PPM1H: variants seen among roughly 807,000 people sequenced by gnomAD.
PPM1H encodes protein phosphatase, Mg2+/Mn2+ dependent 1H, also known as protein phosphatase 1H.
PPM1H carries 27 observed loss-of-function variants against 54.9 expected under a neutral mutation model. The ratio of observed to expected loss-of-function variants is 0.49; its 90% CI spans 0.36 to 0.68. PPM1H has a LOEUF of 0.68. Ranked by LOEUF, PPM1H falls within the 30% of genes least tolerant of loss-of-function variation. The pLI, the probability that PPM1H is intolerant of heterozygous loss-of-function variation, is 0.00. For missense variants in PPM1H, 596 were observed against 667.8 expected (o/e 0.89, Z 1.19); for synonymous variants, 305 against 270.8 (o/e 1.13, Z -1.24).
intron 4 of PPM1H, among the ~76,000 whole-genome samples, chr12:62,742,564 A>C (rs963488134): frequency 1.3e-5 from 2 of 152,266 alleles, no homozygotes; most frequent in Non-Finnish European, 2.9e-5. Flanking sequence ...TTAAAGCTAC[A>C]GTCTGTCATC....
At position 62,934,586 on chromosome 12, in the gene PPM1H, G is replaced by A; in HGVS notation, c.151C>T (p.Gln51Ter). The part of the protein sequence containing the change: ...YGRPEFLGLS[Q>*]DEVECSADHI... ...TCGGCGCTGCACTCCACCTCGTCCT[G>A]AGACAGCCCCAGGAACTCTGGCCGC... The change falls in exon 1 of 10, where the codon CAG becomes TAG. Residue 51 changes from glutamine to a stop codon, truncating the protein, a stop_gained. Coordinates refer to ENST00000228705, the MANE Select transcript of PPM1H (RefSeq NM_020700.2). LOFTEE classifies it high-confidence loss of function. This position sits in a 1 kb window ranked among gnomAD's most constrained non-coding sequence, Gnocchi z 4.2. The A allele has an allele frequency of 6.4e-7, 1 of 1,566,448 alleles. No homozygotes were observed. The highest frequency in any genetic ancestry group is 8.6e-7 in the Non-Finnish European group (1 of 1,156,738).
intron 1 of PPM1H, among the ~76,000 whole-genome samples, chr12:62,873,963 G>GA (rs1301556949): frequency 3.9e-5 from 6 of 152,196 alleles, no homozygotes; most frequent in Admixed American, 1.3e-4. Context: ...TGAGGAAGGA[G>GA]AGGAGGGTCC....
At chr12:62,658,212 TAAGTAAAAAAGAAG>T (rs2075858361) in intron 9 of PPM1H, among the ~76,000 whole-genome samples, 5 of 130,536 alleles carry the variant, frequency 3.8e-5, no homozygotes, top group Admixed American at 1.5e-4. Flanking sequence ...TTTTTTTTTT[TAAGTAAAAAAGAAG>T]TTTCCACAGA....
In PPM1H at chr12:62,648,620, G is replaced by C. The variant is rs1167307555; in HGVS notation, c.1414C>G (p.Gln472Glu). The part of the protein sequence containing the change: ...DDPHRYTLAA[Q>E]DLVMRARGVL... The stretch of plus-strand genomic sequence containing the variant: ...CCCCGGGCACGCATCACCAGGTCCT[G>C]AGCTGCCAGTGTGTACCTACACAGG... The change falls in exon 10 of 10, where the codon CAG becomes GAG. Residue 472 changes from glutamine (Q) to glutamate (E), a missense_variant. By Grantham distance (29) the Gln-to-Glu change is conservative. Transcript: ENST00000228705. 1.2e-6 allele frequency: 2 copies of C among 1,613,772 alleles called. No homozygotes were observed. Among genetic ancestry groups the C allele is most frequent in the African/African-American group, 2.7e-5 (2 of 74,910 alleles).
chr12:62,732,555 G>C (rs1182896684), intron 5 of PPM1H, among the ~76,000 whole-genome samples: 1 of 151,318 alleles, frequency 6.6e-6, no homozygotes, highest in Non-Finnish European at 1.5e-5. Context: ...TAGGGACCCA[G>C]AAGTTTTTTT....
At chr12:62,773,484 T>C (rs72648151) in intron 4 of PPM1H, among the ~76,000 whole-genome samples, 3,738 of 152,176 alleles carry the variant, frequency 0.025, 115 homozygotes, top group East Asian at 0.12. Flanking sequence ...CTAAAAATTT[T>C]TTTTAATAAA....
chr12:62,799,965 T>A (rs532903343), intron 3 of PPM1H, among the ~76,000 whole-genome samples: 1 of 152,174 alleles, frequency 6.6e-6, no homozygotes, highest in African/African-American at 2.4e-5. Flanking sequence ...CTCAGCCTCC[T>A]GAGTAGCTGG....
chr12:62,660,509 A>G (rs543164266), intron 9 of PPM1H, among the ~76,000 whole-genome samples: 1 of 152,316 alleles, frequency 6.6e-6, no homozygotes, highest in East Asian at 1.9e-4. Flanking sequence ...CCAATGGGAC[A>G]GAATAGAGAA....
intron 1 of PPM1H, among the ~76,000 whole-genome samples, chr12:62,855,539 A>C (rs1869353732): frequency 6.6e-6 from 1 of 152,196 alleles, no homozygotes. Flanking sequence ...GCGAGAAAAG[A>C]TGACTTCTTA....
chr12:62,816,694 G>A lies in PPM1H; in HGVS notation c.412-14534C>T, dbSNP rs369381619. On this transcript the variant is annotated intron_variant, in intron 2 of 9. Transcript: ENST00000228705. ...ATACCAGCAAGGCACTAAAATCGGC[G>A]TCTGGTACACGAGTGCTGAGTATTA... Among the ~76,000 whole-genome samples, 228 of 151,464 alleles carry A rather than the reference G, an allele frequency of 1.5e-3. 2 individuals carry two copies. The highest frequency in any genetic ancestry group is 4.5e-3 in the African/African-American group (185 of 41,314).
rs907016267 is a variant in PPM1H, at chr12:62,644,935, C to T, written c.*3554G>A. On this transcript the variant is annotated 3_prime_UTR_variant, in exon 10 of 10. Transcript: ENST00000228705. ...AGCACTAACTTACTGAAAATAGAAT[C>T]TCATCAAAGCTTAACATATTCACTC... 6.6e-6 allele frequency: 1 copy of T among 152,206 alleles called. No homozygotes were observed. Among genetic ancestry groups the T allele is most frequent in the African/African-American group, 2.4e-5 (1 of 41,438 alleles). The allele number at this position is 152,206 out of a possible 1,614,324, so 9.4% of individuals were successfully genotyped here.
intron 1 of PPM1H, among the ~76,000 whole-genome samples, chr12:62,846,234 C>T (rs1262554823): frequency 6.6e-6 from 1 of 152,168 alleles, no homozygotes; most frequent in African/African-American, 2.4e-5. Context: ...TGCGGTGGCT[C>T]ACGCCTGTAA....
intron 4 of PPM1H, among the ~76,000 whole-genome samples, chr12:62,760,764 T>C (rs1284771234): frequency 6.6e-6 from 1 of 152,226 alleles, no homozygotes; most frequent in Non-Finnish European, 1.5e-5. Flanking sequence ...TCCTAATAGT[T>C]AGGCCAATTC....
chr12:62,803,156 C>G (rs564424408), intron 2 of PPM1H, among the ~76,000 whole-genome samples: 1 of 152,296 alleles, frequency 6.6e-6, no homozygotes, highest in African/African-American at 2.4e-5. Flanking sequence ...TCCCACCTCC[C>G]TTAGTTCTCC....
intron 1 of PPM1H, among the ~76,000 whole-genome samples, chr12:62,838,641 G>GCT: frequency 9.7e-6 from 1 of 102,616 alleles, no homozygotes; most frequent in African/African-American, 5.0e-5. Flanking sequence ...AGCTTCTCTG[G>GCT]CCGGGCGCGG....
rs1034435817 is a variant in PPM1H at position 62,847,071 on chromosome 12, G to A, written c.246-14792C>T. Among the ~76,000 whole-genome samples the A allele has an allele frequency of 2.6e-5, 4 of 152,126 alleles. No homozygotes were observed. In the East Asian group the frequency reaches 5.8e-4, roughly 22 times the overall value. ...GTTTTTCCATGGCCAGAGGTGACTG[G>A]TTTAGGGATGGCCACCTGATCTCTG... is the stretch of plus-strand genomic sequence containing the variant. On this transcript the variant is annotated intron_variant, in intron 1 of 9. Transcript: ENST00000228705.
intron 6 of PPM1H, among the ~76,000 whole-genome samples, chr12:62,705,358 T>C (rs915272873): frequency 1.3e-5 from 2 of 152,214 alleles, no homozygotes. Flanking sequence ...ATGGGTTCTA[T>C]TGGATTCATT....
chr12:62,783,892 GATGAA>G (rs1300644560), intron 4 of PPM1H, among the ~76,000 whole-genome samples: 2 of 152,180 alleles, frequency 1.3e-5, no homozygotes, highest in Non-Finnish European at 2.9e-5. Context: ...GTTCTCTAGA[GATGAA>G]ATGAAATGAT....
chr12:62,777,701 C>T (rs1440259462), intron 4 of PPM1H, among the ~76,000 whole-genome samples: 6 of 152,038 alleles, frequency 3.9e-5, no homozygotes, highest in African/African-American at 7.2e-5. Context: ...AGATAAGAAA[C>T]GAAACTATTA....
Sources: allele counts gnomAD v4.1 joint callset (sites outside exome capture counted in the v4.1 genomes callset), GRCh38; gene constraint gnomAD v4.1.1; non-coding constraint Gnocchi (gnomAD v3.1); transcripts MANE v1.5; gene names NCBI Gene and HGNC (gene_info 2026-07-23, HGNC 2026-07-21).